The following ZNF814 variants were observed in gnomAD, a reference collection of about 807,000 sequenced individuals.
ZNF814 encodes the protein zinc finger protein 814.
A neutral mutation model predicts 7.5 loss-of-function variants in ZNF814; 5 were observed. The observed-to-expected ratio is 0.67, with a 90% CI of 0.35 to 1.40. The LOEUF (loss-of-function observed/expected upper bound fraction) is 1.40, where lower values mean the gene tolerates loss of function less well. ZNF814 is among the 40% of genes most tolerant of loss of function. The pLI, the probability that ZNF814 is intolerant of heterozygous loss-of-function variation, is 0.04. For missense variants in ZNF814, 962 were observed against 1,018.0 expected (o/e 0.94, Z 0.75); for synonymous variants, 315 against 340.7 (o/e 0.92, Z 0.83).
At chr19:57,887,367 C>T (rs542720830) in intron 1 of ZNF814, among the ~76,000 whole-genome samples, 159 of 152,332 alleles carry the variant, frequency 1.0e-3, no homozygotes, top group African/African-American at 3.6e-3. Flanking sequence ...AAGACTCTTC[C>T]TTGTAAGACT....
chr19:57,897,997 T>C, the ZNF814 span, among the ~76,000 whole-genome samples: 5,056 of 152,272 alleles, frequency 0.033, 301 homozygotes, highest in African/African-American at 0.12. Flanking sequence ...TATATTTGGT[T>C]AATTGAATGT....
At position 57,872,887 on chromosome 19, in the gene ZNF814, T is replaced by C. The variant is rs1435679526; in HGVS notation, c.2503A>G (p.Lys835Glu). Reference sequence around the variant, plus strand: ...AGGTGAGACTTCTTGTTAAATAATTTCCCACATTTCTCACATTTATAAGGC... The same window carrying C: ...AGGTGAGACTTCTTGTTAAATAATTCCCCACATTTCTCACATTTATAAGGC... ...EKPYKCEKCG[K>E]LFNKKSHLLV... is the part of the protein sequence containing the mutation. The change falls in exon 3 of 3, where the codon AAA becomes GAA. Residue 835 changes from lysine to glutamate, a missense_variant. Lys to Glu is a moderately conservative substitution (Grantham distance 56). Around this residue, in one of 7 missense-constraint regions of ZNF814, gnomAD observed 665 missense variants for 551.4 expected, o/e 1.21. Coordinates refer to ENST00000435989, the MANE Select transcript of ZNF814 (RefSeq NM_001144989.2). The C allele has an allele frequency of 1.2e-5, 19 of 1,613,336 alleles. No homozygotes were observed. The highest frequency in any genetic ancestry group is 1.6e-5 in the Non-Finnish European group (19 of 1,179,672).
the ZNF814 span, among the ~76,000 whole-genome samples, chr19:57,904,885 T>C: frequency 6.6e-6 from 1 of 151,652 alleles, no homozygotes; most frequent in East Asian, 1.9e-4. Flanking sequence ...ACCTCGTCTC[T>C]ACTAAAAATA....
In ZNF814 at chr19:57,888,827, T is replaced by TGTCA; in HGVS notation, c.-26_-25insTGAC. The stretch of plus-strand genomic sequence containing the variant: ...TCGAACCACGTGGTTTTAAGCAGAG[T>TGTCA]CGGGAGGATAGGGCGACCAGCCAGG... On this transcript the variant is annotated 5_prime_UTR_variant, in exon 1 of 3. Transcript: ENST00000435989. The TGTCA allele has an allele frequency of 1.3e-6, 2 of 1,551,016 alleles. No homozygotes were observed. Among genetic ancestry groups the TGTCA allele is most frequent in the African/African-American group, 1.4e-5 (1 of 72,900 alleles).
upstream of ZNF814, among the ~76,000 whole-genome samples, chr19:57,890,543 G>A (rs1467872943): frequency 6.6e-6 from 1 of 152,252 alleles, no homozygotes; most frequent in South Asian, 2.1e-4. Flanking sequence ...ATCATAGGGA[G>A]TCAAAGTTGT....
At chr19:57,882,961 C>G (rs1600139123) in intron 1 of ZNF814, among the ~76,000 whole-genome samples, 1 of 152,250 alleles carries the variant, frequency 6.6e-6, no homozygotes, top group African/African-American at 2.4e-5. Context: ...CATGACCTTT[C>G]AGACAGATAA....
At chr19:57,875,951 T>C (rs13344787) in intron 2 of ZNF814, among the ~76,000 whole-genome samples, 3,951 of 29,762 alleles carry the variant, frequency 0.13, 165 homozygotes, top group Admixed American at 0.16. Flanking sequence ...CGCTTTTTTT[T>C]TTTTTTTTTT....
the ZNF814 span, among the ~76,000 whole-genome samples, chr19:57,897,878 C>T: frequency 6.6e-6 from 1 of 152,100 alleles, no homozygotes; most frequent in Non-Finnish European, 1.5e-5. Flanking sequence ...GTCTGTTTCC[C>T]CAGGAAAAAG....
At chr19:57,879,059 C>T (rs892458751) in intron 1 of ZNF814, among the ~76,000 whole-genome samples, 1 of 151,726 alleles carries the variant, frequency 6.6e-6, no homozygotes, top group African/African-American at 2.4e-5. Context: ...TCACACTGGG[C>T]CTTAATTTTT....
intron 1 of ZNF814, among the ~76,000 whole-genome samples, chr19:57,877,250 C>A (rs908901399): frequency 2.0e-5 from 3 of 152,040 alleles, no homozygotes; most frequent in African/African-American, 4.8e-5. Context: ...GAGTCCACCC[C>A]CTCCTGACAG....
chr19:57,880,496 T>A (rs1178684791), intron 1 of ZNF814, among the ~76,000 whole-genome samples: 1 of 151,604 alleles, frequency 6.6e-6, no homozygotes, highest in East Asian at 1.9e-4. Context: ...GGCCTAGGGT[T>A]TAGGGTTTCT....
the ZNF814 span, among the ~76,000 whole-genome samples, chr19:57,904,237 ACCCCCACATCCTCACCTGTCTG>A: frequency 1.9e-4 from 29 of 152,008 alleles, 1 homozygote; most frequent in South Asian, 4.2e-4. Context: ...ACCGCTTTCT[ACCCCCACATCCTCACCTGTCTG>A]CCCCCACATC....
chr19:57,876,403 G>A (rs1487571083), intron 2 of ZNF814: 3 of 160,934 alleles, frequency 1.9e-5, no homozygotes, highest in African/African-American at 7.2e-5. Flanking sequence ...ACAGACTAAG[G>A]GAAAGACAGA....
chr19:57,903,398 A>G, the ZNF814 span, among the ~76,000 whole-genome samples: 1 of 152,210 alleles, frequency 6.6e-6, no homozygotes, highest in Non-Finnish European at 1.5e-5. Flanking sequence ...TCTCCCTCAG[A>G]CAGTAATTTG....
intron 1 of ZNF814, among the ~76,000 whole-genome samples, chr19:57,888,556 A>G (rs1353208024): frequency 2.6e-5 from 4 of 152,106 alleles, no homozygotes; most frequent in Non-Finnish European, 5.9e-5. Context: ...CTTCTGGCTC[A>G]GTTCACTTCC....
rs775785221 is a variant in ZNF814 at position 57,874,812 on chromosome 19, G to T, written c.578C>A (p.Thr193Asn). 3.9e-5 allele frequency: 63 copies of T among 1,613,994 alleles called. No individual in the cohort carries two copies. The highest frequency in any genetic ancestry group is 5.3e-5 in the Non-Finnish European group (62 of 1,180,010). ...AGTTTTGCTGTTTGACTTCTCCCCAGTGTGACTGGCCTCCTGCTGGAGTAA... is the reference window on the plus strand; with the variant it reads ...AGTTTTGCTGTTTGACTTCTCCCCATTGTGACTGGCCTCCTGCTGGAGTAA... ...SGLLQQEASH[T>N]GEKSNSKTEC... The change falls in exon 3 of 3, where the codon ACT becomes AAT. Residue 193 changes from threonine (T) to asparagine (N), a missense_variant. Thr to Asn is a moderately conservative substitution (Grantham distance 65, BLOSUM62 0). This residue lies in a region of ZNF814 where 126 missense variants were observed against 123.5 expected (regional missense o/e 1.02). Coordinates refer to ENST00000435989, the MANE Select transcript of ZNF814 (RefSeq NM_001144989.2).
intron 1 of ZNF814, among the ~76,000 whole-genome samples, chr19:57,885,627 C>A: frequency 1.4e-5 from 1 of 73,084 alleles, no homozygotes; most frequent in African/African-American, 4.4e-5. Context: ...AAGACTGTGT[C>A]TCAAAAAAAA....
rs1428090178 is a variant in ZNF814, at chr19:57,873,306, T to C, written c.2084A>G (p.Lys695Arg). The C allele has an allele frequency of 3.8e-6, 6 of 1,589,266 alleles. No homozygotes were observed. Among genetic ancestry groups the C allele is most frequent in the Admixed American group, 1.8e-5 (1 of 54,954 alleles). ...ERPYVCRECG[K>R]LFKKKSHLLV... The stretch of plus-strand genomic sequence containing the variant: ...GAGGTGAGACTTCTTCTTAAATAAT[T>C]TTCCACATTCCCTACATACATAAGG... Residue 695 changes from lysine to arginine, a missense_variant, in exon 3 of 3, where the codon AAA (lysine) becomes AGA (arginine). Around this residue, in one of 7 missense-constraint regions of ZNF814, gnomAD observed 665 missense variants for 551.4 expected, o/e 1.21. Transcript: ENST00000435989.
chr19:57,873,436 G>A lies in ZNF814; in HGVS notation c.1954C>T (p.Arg652Ter), dbSNP rs756766405. Residue 652 changes from arginine (R) to a stop codon, truncating the protein, a stop_gained, in exon 3 of 3, where the codon CGA becomes TGA. Coordinates refer to ENST00000435989, the MANE Select transcript of ZNF814 (RefSeq NM_001144989.2). LOFTEE classifies it low-confidence loss of function (END_TRUNC). Reference protein sequence around the residue: ...NEKGHLRNHQRVHTTERPFKC... With the variant: ...NEKGHLRNHQ ...AAAGGTCTTTCTGTAGTGTGAACTC[G>A]CTGATGATTCCTAAGGTGTCCTTTT... is the stretch of plus-strand genomic sequence containing the variant. 14 of 1,613,802 alleles carry A rather than the reference G, an allele frequency of 8.7e-6. No individual in the cohort carries two copies. Among genetic ancestry groups the A allele is most frequent in the East Asian group, 4.5e-5 (2 of 44,856 alleles).
Sources: allele counts gnomAD v4.1 joint callset (sites outside exome capture counted in the v4.1 genomes callset), GRCh38; gene constraint gnomAD v4.1.1; regional missense constraint gnomAD v4.1.1; transcripts MANE v1.5; gene names NCBI Gene and HGNC (gene_info 2026-07-23, HGNC 2026-07-21).